The following KLHL6 variants were observed in gnomAD, a reference collection of about 807,000 sequenced individuals.
KLHL6 encodes kelch-like protein 6.
KLHL6 carries 41 observed loss-of-function variants against 58.6 expected under a neutral mutation model. The ratio of observed to expected loss-of-function variants is 0.70; its 90% CI spans 0.55 to 0.91. The LOEUF is 0.91. Ranked by LOEUF, KLHL6 falls within the 40% of genes least tolerant of loss-of-function variation. KLHL6 has a pLI of 0.00. For missense variants in KLHL6, 714 were observed against 805.6 expected (o/e 0.89, Z 1.38); for synonymous variants, 338 against 322.7 (o/e 1.05, Z -0.51).
intron 1 of KLHL6, among the ~76,000 whole-genome samples, chr3:183,529,179 G>T (rs1712077306): frequency 1.3e-5 from 2 of 152,078 alleles, no homozygotes; most frequent in South Asian, 4.1e-4. Context: ...GAGAGGATCA[G>T]GAAAAATAAC....
intron 1 of KLHL6, among the ~76,000 whole-genome samples, chr3:183,531,536 AC>A (rs202040430): frequency 0.014 from 1,801 of 128,378 alleles, 22 homozygotes; most frequent in African/African-American, 0.051. Flanking sequence ...TGCAAACTCC[AC>A]CTCCCGGGTT....
chr3:183,519,279 G>T (rs888671795), intron 2 of KLHL6, among the ~76,000 whole-genome samples: 9 of 152,162 alleles, frequency 5.9e-5, no homozygotes, highest in African/African-American at 2.2e-4. Context: ...AAAGTGACCT[G>T]CAAGGACCAA....
chr3:183,498,792 A>G (rs1324607463), intron 4 of KLHL6, among the ~76,000 whole-genome samples: 1 of 152,230 alleles, frequency 6.6e-6, no homozygotes, highest in East Asian at 1.9e-4. Context: ...TGGGAAAGGC[A>G]GACACAAAGT....
chr3:183,524,351 C>G (rs184620569), intron 2 of KLHL6, among the ~76,000 whole-genome samples: 4 of 152,298 alleles, frequency 2.6e-5, no homozygotes, highest in African/African-American at 9.6e-5. Context: ...TAGGCCTTTC[C>G]TCTTAGATGC....
chr3:183,534,114 T>TTACTTTTAAAGTACTTTTAAAG (rs1299514780), intron 1 of KLHL6, among the ~76,000 whole-genome samples: 1 of 126,226 alleles, frequency 7.9e-6, no homozygotes, highest in African/African-American at 3.4e-5. Flanking sequence ...TAAAAGTACT[T>TTACTTTTAAAGTACTTTTAAAG]TACTTTTAAA....
chr3:183,518,585 T>C (rs1711633980), intron 2 of KLHL6, among the ~76,000 whole-genome samples: 1 of 152,144 alleles, frequency 6.6e-6, no homozygotes, highest in Non-Finnish European at 1.5e-5. Flanking sequence ...TTACAACCTA[T>C]AGGCAGCAAC....
At chr3:183,549,742 T>C (rs959889907) in intron 1 of KLHL6, among the ~76,000 whole-genome samples, 3 of 152,186 alleles carry the variant, frequency 2.0e-5, no homozygotes, top group African/African-American at 7.2e-5. Flanking sequence ...TAGGAACAGA[T>C]ATCCAAAGAC....
rs1419653872 is a variant in KLHL6 at position 183,492,532 on chromosome 3, A to G, written c.1526T>C (p.Ile509Thr). Residue 509 changes from isoleucine to threonine, a missense_variant, in exon 6 of 7, where the codon ATC (isoleucine) becomes ACC (threonine). Around this residue, in one of 2 missense-constraint regions of KLHL6, gnomAD observed 510 missense variants for 629.7 expected, o/e 0.81. Transcript: ENST00000341319. The surrounding 1 kb of genome is among the most constrained non-coding windows in gnomAD (Gnocchi z 5.9). ...GCGGTCCCGGAAACTCACTGCATTG[A>G]TGCATTTAGCCTCCACGGGCATGGC... Reference protein sequence around the residue: ...KAAMPVEAKCINAVSFRDRIY... With the variant: ...KAAMPVEAKCTNAVSFRDRIY... 1 of 1,614,090 alleles carries G rather than the reference A, an allele frequency of 6.2e-7. No individual in the cohort carries two copies. Among genetic ancestry groups the G allele is most frequent in the Non-Finnish European group, 8.5e-7 (1 of 1,180,046 alleles).
At chr3:183,518,460 T>G (rs1329761674) in intron 2 of KLHL6, among the ~76,000 whole-genome samples, 1 of 152,174 alleles carries the variant, frequency 6.6e-6, no homozygotes, top group East Asian at 1.9e-4. Context: ...CAAAACACCT[T>G]GCACTTAGAA....
At chr3:183,510,596 C>T (rs139377581) in intron 2 of KLHL6, among the ~76,000 whole-genome samples, 2,336 of 152,184 alleles carry the variant, frequency 0.015, 57 homozygotes, top group African/African-American at 0.054. Context: ...TTTTTTAGGC[C>T]GGGCGCGGTG....
At chr3:183,522,764 A>C (rs1024155249) in intron 2 of KLHL6, 1 of 152,200 alleles carries the variant, frequency 6.6e-6, no homozygotes, top group African/African-American at 2.4e-5. Flanking sequence ...GCCTGGAAGG[A>C]GACCAAGTAA....
At chr3:183,536,180 G>A (rs1379738035) in intron 1 of KLHL6, among the ~76,000 whole-genome samples, 1 of 152,148 alleles carries the variant, frequency 6.6e-6, no homozygotes, top group Non-Finnish European at 1.5e-5. Flanking sequence ...CTCTGCTAGT[G>A]ACGTAAGGGA....
intron 1 of KLHL6, among the ~76,000 whole-genome samples, chr3:183,554,619 C>T (rs1713042062): frequency 6.6e-6 from 1 of 152,154 alleles, no homozygotes; most frequent in South Asian, 2.1e-4. Context: ...TAAAGAAGCC[C>T]CTAATTTGTA....
intron 3 of KLHL6, among the ~76,000 whole-genome samples, chr3:183,507,180 G>A (rs1718032566): frequency 6.6e-6 from 1 of 152,076 alleles, no homozygotes; most frequent in African/African-American, 2.4e-5. Flanking sequence ...GCAAGCCCAG[G>A]AGCAAGATGA....
At chr3:183,531,499 G>C (rs973025110) in intron 1 of KLHL6, among the ~76,000 whole-genome samples, 2 of 140,794 alleles carry the variant, frequency 1.4e-5, no homozygotes, top group African/African-American at 2.8e-5. Flanking sequence ...TCCCAGGCTG[G>C]AGTGCAGTGG....
chr3:183,524,478 T>C (rs947445493), intron 2 of KLHL6, among the ~76,000 whole-genome samples: 2 of 152,234 alleles, frequency 1.3e-5, no homozygotes, highest in African/African-American at 2.4e-5. Context: ...GATCAATCAG[T>C]ACCTGCCACA....
In KLHL6 at chr3:183,492,199, T is replaced by A. The variant is rs1272248554; in HGVS notation, c.1594A>T (p.Ser532Cys). 1 of 1,611,678 alleles carries A rather than the reference T, an allele frequency of 6.2e-7. No homozygotes were observed. Among genetic ancestry groups the A allele is most frequent in the Non-Finnish European group, 8.5e-7 (1 of 1,178,994 alleles). ...GGAMRALYAY[S>C]PLEDSWCLVT... Reference sequence around the variant, plus strand: ...AGGCACCAGCTGTCTTCCAGCGGGCTGTAGGCGTACAGCGCTCTCATGGCC... The same window carrying A: ...AGGCACCAGCTGTCTTCCAGCGGGCAGTAGGCGTACAGCGCTCTCATGGCC... Residue 532 changes from serine to cysteine, a missense_variant, in exon 7 of 7, where the codon AGC becomes TGC. By Grantham distance (112) the Ser-to-Cys change is moderately radical. Around this residue, in one of 2 missense-constraint regions of KLHL6, gnomAD observed 510 missense variants for 629.7 expected, o/e 0.81. Transcript: ENST00000341319. This position sits in a 1 kb window ranked among gnomAD's most constrained non-coding sequence, Gnocchi z 5.9.
At chr3:183,526,051 T>C (rs1403216668) in intron 2 of KLHL6, among the ~76,000 whole-genome samples, 2 of 152,232 alleles carry the variant, frequency 1.3e-5, no homozygotes, top group East Asian at 3.9e-4. Flanking sequence ...CTCATGCCTG[T>C]AATCCCAGCA....
chr3:183,539,491 C>T (rs1712479098), intron 1 of KLHL6, among the ~76,000 whole-genome samples: 1 of 152,048 alleles, frequency 6.6e-6, no homozygotes, highest in Admixed American at 6.5e-5. Context: ...TGGCAGATCT[C>T]GAGGTCAGGA....
Sources: gnomAD v4.1 joint callset for allele counts (sites outside exome capture counted in the v4.1 genomes callset) on GRCh38, gnomAD v4.1.1 for gene constraint, gnomAD v4.1.1 regional missense constraint, Gnocchi (gnomAD v3.1) non-coding constraint, MANE v1.5 for transcripts, NCBI Gene and HGNC (gene_info 2026-07-23, HGNC 2026-07-21) for gene names.